Variants in GAS2 observed in about 807,000 individuals in gnomAD.
GAS2 encodes the protein growth arrest specific 2.
GAS2 carries 20 observed loss-of-function variants against 37.5 expected under a neutral mutation model. The ratio of observed to expected loss-of-function variants is 0.53; its 90% CI spans 0.37 to 0.77. GAS2 has a LOEUF of 0.77. Among genes scored for constraint, GAS2 ranks in the 30% least tolerant of loss-of-function variants. GAS2 has a pLI of 0.00. For synonymous variants in GAS2, 144 were observed against 132.2 expected (o/e 1.09, Z -0.61); for missense variants, 336 against 373.4 (o/e 0.90, Z 0.82).
At chr11:22,652,412 A>G (rs1848789834) in intron 1 of GAS2, among the ~76,000 whole-genome samples, 1 of 152,204 alleles carries the variant, frequency 6.6e-6, no homozygotes, top group African/African-American at 2.4e-5. Flanking sequence ...GAGCCTACAG[A>G]GGCAGGCAGG....
chr11:22,806,845 C>T (rs1426476152), intron 7 of GAS2, among the ~76,000 whole-genome samples: 1 of 152,128 alleles, frequency 6.6e-6, no homozygotes, highest in African/African-American at 2.4e-5. Context: ...TAATATTGAC[C>T]TAAAACCCTT....
intron 3 of GAS2, among the ~76,000 whole-genome samples, chr11:22,701,601 G>C (rs1039237368): frequency 2.6e-5 from 4 of 152,206 alleles, no homozygotes; most frequent in Non-Finnish European, 1.5e-5. Flanking sequence ...GGCCAAGGCA[G>C]GTGGACCACC....
At chr11:22,767,383 T>G (rs1233763794) in intron 7 of GAS2, among the ~76,000 whole-genome samples, 1 of 152,098 alleles carries the variant, frequency 6.6e-6, no homozygotes, top group Non-Finnish European at 1.5e-5. Context: ...TAAATGAAAA[T>G]AGTTCTTCAC....
At chr11:22,720,728 A>C (rs148051373) in intron 3 of GAS2, among the ~76,000 whole-genome samples, 1 of 152,040 alleles carries the variant, frequency 6.6e-6, no homozygotes, top group Non-Finnish European at 1.5e-5. Context: ...CTTCTGTTTT[A>C]TATCTCAAAT....
intron 4 of GAS2, among the ~76,000 whole-genome samples, chr11:22,728,618 A>C (rs2134177381): frequency 6.6e-6 from 1 of 151,810 alleles, no homozygotes; most frequent in Admixed American, 6.6e-5. Context: ...ACTTCTCAGT[A>C]CCAAGTTAAA....
intron 2 of GAS2, among the ~76,000 whole-genome samples, chr11:22,684,981 A>G (rs2133940274): frequency 6.6e-6 from 1 of 152,278 alleles, no homozygotes; most frequent in South Asian, 2.1e-4. Flanking sequence ...AAATACATAC[A>G]TGGTTCTATT....
chr11:22,721,390 G>T (rs1427737280), intron 3 of GAS2, among the ~76,000 whole-genome samples: 1 of 151,914 alleles, frequency 6.6e-6, no homozygotes, highest in Non-Finnish European at 1.5e-5. Flanking sequence ...AGGACATACT[G>T]CAGCATATAT....
chr11:22,685,211 T>C (rs1054768999), intron 2 of GAS2, among the ~76,000 whole-genome samples: 13 of 152,112 alleles, frequency 8.5e-5, no homozygotes, highest in African/African-American at 3.1e-4. Flanking sequence ...TAGTCAGACA[T>C]ACACCTAACA....
At chr11:22,764,946 A>C (rs1448445572) in intron 7 of GAS2, among the ~76,000 whole-genome samples, 1 of 152,208 alleles carries the variant, frequency 6.6e-6, no homozygotes, top group East Asian at 1.9e-4. Flanking sequence ...ATGCTACCTT[A>C]CTTCAGTTTG....
chr11:22,791,260 C>T (rs941990667), intron 7 of GAS2, among the ~76,000 whole-genome samples: 2 of 151,928 alleles, frequency 1.3e-5, no homozygotes, highest in African/African-American at 4.8e-5. Context: ...GGGGGTGTCT[C>T]TAAATGGAGA....
intron 3 of GAS2, chr11:22,702,561 G>A (rs1850898572): frequency 6.6e-6 from 1 of 152,066 alleles, no homozygotes; most frequent in South Asian, 2.1e-4. Context: ...ATAAGCAAAT[G>A]GCAAAAGTAA....
chr11:22,774,155 G>C (rs538385440), intron 7 of GAS2, among the ~76,000 whole-genome samples: 1 of 152,008 alleles, frequency 6.6e-6, no homozygotes, highest in Non-Finnish European at 1.5e-5. Context: ...CACCACACCC[G>C]GCTAATTTTT....
At chr11:22,738,314 G>GT (rs894705363) in intron 5 of GAS2, among the ~76,000 whole-genome samples, 38 of 151,926 alleles carry the variant, frequency 2.5e-4, no homozygotes, top group African/African-American at 6.8e-4. Context: ...TTTGAAACCT[G>GT]TTTTTTTTCT....
chr11:22,785,036 C>G (rs377430733), intron 7 of GAS2, among the ~76,000 whole-genome samples: 12 of 152,216 alleles, frequency 7.9e-5, no homozygotes, highest in African/African-American at 2.6e-4. Context: ...AGCAAAAATT[C>G]CAGTGTTCCT....
chr11:22,778,221 C>G (rs978833932), intron 7 of GAS2, among the ~76,000 whole-genome samples: 1 of 152,198 alleles, frequency 6.6e-6, no homozygotes, highest in Non-Finnish European at 1.5e-5. Context: ...TTTAAAATCT[C>G]TGTGACTCAT....
intron 3 of GAS2, among the ~76,000 whole-genome samples, chr11:22,691,124 G>GA (rs1850227982): frequency 6.6e-6 from 1 of 151,920 alleles, no homozygotes. Context: ...AGGGGGCGGG[G>GA]GGAAAAGAAG....
chr11:22,791,765 A>G (rs564038663), intron 7 of GAS2, among the ~76,000 whole-genome samples: 1 of 152,204 alleles, frequency 6.6e-6, no homozygotes, highest in Non-Finnish European at 1.5e-5. Context: ...CACATATACT[A>G]TAGATAAGGC....
chr11:22,757,290 T>A (rs558058285), intron 7 of GAS2, among the ~76,000 whole-genome samples: 2 of 152,268 alleles, frequency 1.3e-5, no homozygotes, highest in South Asian at 4.1e-4. Context: ...GTGAATAACA[T>A]GTTTTTATAG....
chr11:22,788,640 A>T lies in GAS2; in HGVS notation c.724-23158A>T, dbSNP rs184602974. 4.7e-3 allele frequency among the ~76,000 whole-genome samples: 715 copies of T among 152,330 alleles called. 4 individuals are homozygous for T. The highest frequency in any genetic ancestry group is 0.016 in the African/African-American group (683 of 41,576). ...AATCTAGGGTTTGTACTAATTGGGG[A>T]CAGAGCTTATGTGATGCTTCATGAA... On this transcript the variant is annotated intron_variant, in intron 7 of 7. Transcript: ENST00000454584.
Sources: gnomAD v4.1 joint callset for allele counts (sites outside exome capture counted in the v4.1 genomes callset) on GRCh38, gnomAD v4.1.1 for gene constraint, MANE v1.5 for transcripts, NCBI Gene and HGNC (gene_info 2026-07-23, HGNC 2026-07-21) for gene names.